Variants in PCNX2 observed in about 807,000 individuals in gnomAD.
The protein encoded by PCNX2 is pecanex-like protein 2.
In PCNX2, 168 loss-of-function variants were observed where a neutral mutation model predicts 223.8. That is an observed-to-expected ratio of 0.75 (90% CI 0.66 to 0.85). The LOEUF (loss-of-function observed/expected upper bound fraction) is 0.85. Among genes scored for constraint, PCNX2 ranks in the 40% least tolerant of loss-of-function variants. The probability of loss-of-function intolerance (pLI) is 0.00; values close to 1 mark genes in which losing one functional copy is unlikely to be tolerated. For synonymous variants in PCNX2, 1,006 were observed against 1,052.6 expected (o/e 0.96, Z 0.86); for missense variants, 2,507 against 2,675.5 (o/e 0.94, Z 1.39).
rs368006139 is a variant in PCNX2 at position 233,161,292 on chromosome 1, G to A, written c.3345C>T (p.Ser1115=). 8.7e-5 allele frequency: 141 copies of A among 1,613,684 alleles called. No homozygotes were observed. Among genetic ancestry groups the A allele is most frequent in the Non-Finnish European group, 1.1e-4 (132 of 1,179,756 alleles). The part of the protein sequence containing the change: ...VAVLSFAVSA[S]TVFLSLRPFL... ...ATACTCGCAATGACAGGAATACAGT[G>A]CTGGCGCTGACTGCAAATGAGAGGA... Residue 1115 remains serine, a synonymous_variant, in exon 18 of 34, where the codon AGC becomes AGT. Transcript: ENST00000258229.
intron 21 of PCNX2, among the ~76,000 whole-genome samples, chr1:233,103,415 C>A (rs1174168779): frequency 6.6e-6 from 1 of 151,964 alleles, no homozygotes; most frequent in Non-Finnish European, 1.5e-5. Flanking sequence ...CCATCACCAC[C>A]TCCTCCCAAT....
At chr1:233,254,297 T>C (rs1368927979) in intron 5 of PCNX2, among the ~76,000 whole-genome samples, 1 of 152,198 alleles carries the variant, frequency 6.6e-6, no homozygotes, top group Non-Finnish European at 1.5e-5. Flanking sequence ...TTTCACAGTT[T>C]TCCAGAAACA....
intron 21 of PCNX2, among the ~76,000 whole-genome samples, chr1:233,102,905 T>A (rs1414231445): frequency 2.0e-5 from 3 of 152,160 alleles, no homozygotes; most frequent in Non-Finnish European, 4.4e-5. Flanking sequence ...CTCGGTTGTC[T>A]GTGCTTTTGA....
At chr1:233,211,420 T>C (rs1558348407) in intron 12 of PCNX2, among the ~76,000 whole-genome samples, 1 of 151,904 alleles carries the variant, frequency 6.6e-6, no homozygotes, top group Non-Finnish European at 1.5e-5. Flanking sequence ...TGCCTCCCTC[T>C]CCTGACCAGC....
At chr1:233,211,867 G>A (rs1681835960) in intron 12 of PCNX2, 1 of 966,286 alleles carries the variant, frequency 1.0e-6, no homozygotes, top group Non-Finnish European at 1.2e-6. Context: ...GTCTTAGGGT[G>A]TCAGTTTTTT....
intron 23 of PCNX2, among the ~76,000 whole-genome samples, chr1:233,078,825 A>G (rs1306169788): frequency 6.6e-6 from 1 of 152,368 alleles, no homozygotes; most frequent in South Asian, 2.1e-4. Context: ...CTGTTTGAGA[A>G]ATTCAACATA....
At chr1:233,179,689 T>A (rs954486573) in intron 15 of PCNX2, among the ~76,000 whole-genome samples, 1 of 152,238 alleles carries the variant, frequency 6.6e-6, no homozygotes, top group Non-Finnish European at 1.5e-5. Context: ...ACACTAGGAA[T>A]AATAGCTTCT....
Position 233,139,900 on chromosome 1 carries a change from T to C in PCNX2, c.3518-45A>G. 1 of 1,588,504 alleles carries C rather than the reference T, an allele frequency of 6.3e-7. No individual in the cohort carries two copies. Among genetic ancestry groups the C allele is most frequent in the Non-Finnish European group, 8.6e-7 (1 of 1,168,374 alleles). ...CACTTAGAACAACCACCGATCAAAG[T>C]ATTTTTCTTTAAGTACAGGTAATAA... On this transcript the variant is annotated intron_variant, in intron 19 of 33. Transcript: ENST00000258229. The surrounding 1 kb of genome is among the most constrained non-coding windows in gnomAD (Gnocchi z 4.4).
intron 25 of PCNX2, among the ~76,000 whole-genome samples, chr1:233,028,675 A>T (rs138627564): frequency 0.011 from 1,736 of 152,280 alleles, 96 homozygotes; most frequent in Admixed American, 0.092. Flanking sequence ...AACAGCATGT[A>T]GTTAGGACTT....
chr1:233,033,660 G>A (rs1032214001), intron 25 of PCNX2, among the ~76,000 whole-genome samples: 8 of 152,148 alleles, frequency 5.3e-5, no homozygotes, highest in East Asian at 1.9e-4. Flanking sequence ...AATATTTCAC[G>A]GTGCAGGACG....
chr1:233,187,021 C>T (rs1680135085), intron 15 of PCNX2, among the ~76,000 whole-genome samples: 1 of 152,150 alleles, frequency 6.6e-6, no homozygotes. Flanking sequence ...TTTTATGTGA[C>T]ACACTAATAG....
chr1:233,033,171 T>C (rs1372982166), intron 25 of PCNX2: 2 of 985,444 alleles, frequency 2.0e-6, no homozygotes, highest in Middle Eastern at 5.2e-4. Flanking sequence ...GCACCTTTAA[T>C]TGTGGCTGTG....
At chr1:233,173,001 A>G (rs1252580413) in intron 17 of PCNX2, among the ~76,000 whole-genome samples, 1 of 152,120 alleles carries the variant, frequency 6.6e-6, no homozygotes, top group Non-Finnish European at 1.5e-5. Flanking sequence ...CTAAACAATT[A>G]CCTCAACACT....
intron 19 of PCNX2, among the ~76,000 whole-genome samples, chr1:233,150,147 G>C (rs1677710918): frequency 6.6e-6 from 1 of 152,122 alleles, no homozygotes; most frequent in South Asian, 2.1e-4. Context: ...TTTGTCCATA[G>C]TGGCCACTCA....
intron 32 of PCNX2, 103 bp from the exon 33 acceptor site, chr1:232,986,643 T>C: frequency 9.4e-7 from 1 of 1,068,628 alleles, no homozygotes. Flanking sequence ...CAAGGACCCC[T>C]CCTCAGTGCA....
chr1:233,095,708 A>G (rs1674119207), intron 22 of PCNX2, 47 bp downstream of exon 22: 1 of 1,471,306 alleles, frequency 6.8e-7, no homozygotes, highest in Non-Finnish European at 9.4e-7. Flanking sequence ...TGCTTCCGTA[A>G]AATGTGAATC....
chr1:233,303,059 T>C, the PCNX2 span, among the ~76,000 whole-genome samples: 1 of 152,174 alleles, frequency 6.6e-6, no homozygotes, highest in Non-Finnish European at 1.5e-5. Context: ...TTTGTCTGCC[T>C]TTCTATCAGT....
intron 21 of PCNX2, among the ~76,000 whole-genome samples, chr1:233,133,084 A>C (rs552976826): frequency 6.6e-6 from 1 of 152,012 alleles, no homozygotes; most frequent in East Asian, 1.9e-4. Context: ...CTTTTTGTAG[A>C]GACTGGGTTT....
chr1:233,292,305 C>T (rs1661822619), intron 1 of PCNX2, among the ~76,000 whole-genome samples: 1 of 145,864 alleles, frequency 6.9e-6, no homozygotes, highest in African/African-American at 2.6e-5. Context: ...CTCCAGGATT[C>T]AAGCGATTCT....
Sources: gnomAD v4.1 joint callset for allele counts (sites outside exome capture counted in the v4.1 genomes callset) on GRCh38, gnomAD v4.1.1 for gene constraint, Gnocchi (gnomAD v3.1) non-coding constraint, MANE v1.5 for transcripts, NCBI Gene and HGNC (gene_info 2026-07-23, HGNC 2026-07-21) for gene names.